The following SOX5 variants were observed in gnomAD, a reference collection of about 807,000 sequenced individuals.
The protein encoded by SOX5 is SRY-box transcription factor 5.
A neutral mutation model predicts 92.0 loss-of-function variants in SOX5; 9 were observed. The ratio of observed to expected loss-of-function variants is 0.10; its 90% confidence interval spans 0.06 to 0.17. The LOEUF is 0.17. SOX5 is among the 10% of genes least tolerant of loss of function. The pLI is 1.00. For synonymous variants in SOX5, 344 were observed against 336.3 expected (o/e 1.02, Z -0.25); for missense variants, 642 against 944.5 (o/e 0.68, Z 4.20).
intron 10 of SOX5, among the ~76,000 whole-genome samples, chr12:23,573,941 TTTCTAC>T (rs1193206989): frequency 1.3e-5 from 2 of 151,952 alleles, no homozygotes; most frequent in African/African-American, 2.4e-5. Context: ...TATTGGTTGT[TTTCTAC>T]TTCTAAGTTT....
chr12:23,937,460 A>C (rs975501012), intron 1 of SOX5, among the ~76,000 whole-genome samples: 2 of 150,974 alleles, frequency 1.3e-5, no homozygotes, highest in Non-Finnish European at 3.0e-5. Context: ...GCTCTGATTT[A>C]ATACTATAAA....
chr12:23,854,552 T>C (rs976721699), intron 2 of SOX5, among the ~76,000 whole-genome samples: 1 of 152,100 alleles, frequency 6.6e-6, no homozygotes, highest in Non-Finnish European at 1.5e-5. Context: ...ATGTATATGA[T>C]TTATCTCCAA....
chr12:23,675,507 C>T (rs11047041), intron 6 of SOX5, among the ~76,000 whole-genome samples: 4,096 of 152,182 alleles, frequency 0.027, 196 homozygotes, highest in African/African-American at 0.093. Context: ...ATGCAAAAGA[C>T]TACAATGTGA....
intron 1 of SOX5, among the ~76,000 whole-genome samples, chr12:24,532,887 A>G (rs1330598781): frequency 6.6e-6 from 1 of 152,246 alleles, no homozygotes; most frequent in African/African-American, 2.4e-5. Context: ...AAATGAGTTT[A>G]CTAGCAGGTA....
Position 23,530,818 on chromosome 12 carries a change from T to TGTGTGTGTGTGTATGTGTGTGC in SOX5, c.*3400_*3401insGCACACACATACACACACACAC. The TGTGTGTGTGTGTATGTGTGTGC allele has an allele frequency of 7.6e-6, 1 of 132,052 alleles. No homozygotes were observed. The highest frequency in any genetic ancestry group is 1.6e-5 in the Non-Finnish European group (1 of 60,788). The allele number at this position is 132,052 out of a possible 1,614,324, so 8.2% of individuals were successfully genotyped here. A position where few individuals can be genotyped will look rare whatever the true frequency, so the allele number is the denominator to read the frequency against. On this transcript the variant is annotated 3_prime_UTR_variant, in exon 15 of 15. Coordinates refer to ENST00000451604, the MANE Select transcript of SOX5 (RefSeq NM_006940.6). ...GGGCAAGTGTGTGTGTGTGTGTGTG[T>TGTGTGTGTGTGTATGTGTGTGC]GCGCGCGCGCGCGCGCGCATGTGAG...
intron 10 of SOX5, among the ~76,000 whole-genome samples, chr12:23,572,185 T>G (rs888798129): frequency 6.6e-6 from 1 of 152,196 alleles, no homozygotes; most frequent in African/African-American, 2.4e-5. Context: ...AATAGATATA[T>G]AGCAAAGAGC....
At chr12:24,298,632 T>G (rs1372779345) in intron 2 of SOX5, among the ~76,000 whole-genome samples, 1 of 152,036 alleles carries the variant, frequency 6.6e-6, no homozygotes, top group Non-Finnish European at 1.5e-5. Context: ...TTTCTATGTG[T>G]CACCTATTAT....
At chr12:24,209,961 T>C (rs1594288360) in intron 4 of SOX5, among the ~76,000 whole-genome samples, 2 of 120,538 alleles carry the variant, frequency 1.7e-5, no homozygotes, top group Non-Finnish European at 3.2e-5. Flanking sequence ...GAGCTTGCAG[T>C]GAGCCGAGAT....
At chr12:23,979,696 A>ATTT (rs1248234590) in intron 4 of SOX5, among the ~76,000 whole-genome samples, 1 of 27,444 alleles carries the variant, frequency 3.6e-5, no homozygotes, top group Non-Finnish European at 7.5e-5. Context: ...ATATATATAT[A>ATTT]TGTTTTTTTT....
At chr12:24,201,145 G>C (rs1242312375) in intron 4 of SOX5, among the ~76,000 whole-genome samples, 1 of 152,134 alleles carries the variant, frequency 6.6e-6, no homozygotes, top group Non-Finnish European at 1.5e-5. Flanking sequence ...GCAAGTCCCA[G>C]AATCTCTCTG....
chr12:23,889,725 T>C (rs2097108588), intron 2 of SOX5, among the ~76,000 whole-genome samples: 1 of 152,212 alleles, frequency 6.6e-6, no homozygotes, highest in Non-Finnish European at 1.5e-5. Flanking sequence ...TTTTCTTCTT[T>C]TGATGGACTT....
chr12:24,113,325 G>C (rs1033164358), intron 4 of SOX5, among the ~76,000 whole-genome samples: 4 of 150,298 alleles, frequency 2.7e-5, no homozygotes, highest in Non-Finnish European at 5.9e-5. Context: ...TAACTCAAGA[G>C]GTAAATGTTA....
At chr12:24,258,648 T>C (rs989588413) in intron 3 of SOX5, among the ~76,000 whole-genome samples, 1 of 152,192 alleles carries the variant, frequency 6.6e-6, no homozygotes, top group Non-Finnish European at 1.5e-5. Context: ...GTCTATGGAA[T>C]TGTGGAAAAT....
intron 3 of SOX5, 42 bp from the exon 4 acceptor site, chr12:23,755,766 T>G (rs956163764): frequency 7.7e-7 from 1 of 1,292,794 alleles, no homozygotes; most frequent in African/African-American, 1.6e-5. Flanking sequence ...AACATGACTC[T>G]CCTTACAATG....
intron 1 of SOX5, among the ~76,000 whole-genome samples, chr12:24,487,847 CT>C (rs1037686191): frequency 1.5e-4 from 22 of 149,296 alleles, no homozygotes; most frequent in Middle Eastern, 7.0e-3. Flanking sequence ...CCAGTGTCCT[CT>C]TTTTTTTTTC....
intron 1 of SOX5, among the ~76,000 whole-genome samples, chr12:24,479,664 CA>C (rs1386598034): frequency 6.6e-6 from 1 of 151,244 alleles, no homozygotes; most frequent in African/African-American, 2.4e-5. Context: ...GGTATTTATT[CA>C]TTTTTTTTTT....
chr12:24,196,135 T>C (rs1007561784), intron 4 of SOX5, among the ~76,000 whole-genome samples: 3 of 152,260 alleles, frequency 2.0e-5, no homozygotes, highest in Non-Finnish European at 4.4e-5. Context: ...TCCGCCTGCA[T>C]CAGCCTCCCA....
chr12:23,867,303 C>A (rs1023298366), intron 2 of SOX5, among the ~76,000 whole-genome samples: 1 of 152,124 alleles, frequency 6.6e-6, no homozygotes, highest in African/African-American at 2.4e-5. Flanking sequence ...TTCTGTCACA[C>A]AAACCTGTTG....
At chr12:23,960,499 A>G (rs553206238) in intron 4 of SOX5, among the ~76,000 whole-genome samples, 33 of 124,884 alleles carry the variant, frequency 2.6e-4, no homozygotes, top group African/African-American at 8.5e-4. Context: ...ATTTATATAC[A>G]TATATATTTA....
Sources: gnomAD v4.1 joint callset for allele counts (sites outside exome capture counted in the v4.1 genomes callset) on GRCh38, gnomAD v4.1.1 for gene constraint, MANE v1.5 for transcripts, NCBI Gene and HGNC (gene_info 2026-07-23, HGNC 2026-07-21) for gene names.